Variants in PLEKHA6 observed in about 807,000 individuals in gnomAD.
PLEKHA6 encodes pleckstrin homology domain-containing family A member 6.
A neutral mutation model predicts 116.7 loss-of-function variants in PLEKHA6; 60 were observed. The observed-to-expected ratio is 0.51, with a 90% CI of 0.42 to 0.64. The LOEUF (loss-of-function observed/expected upper bound fraction) is 0.64, where lower values mean the gene tolerates loss of function less well. Ranked by LOEUF, PLEKHA6 falls within the 30% of genes least tolerant of loss-of-function variation. The probability of loss-of-function intolerance (pLI) is 0.00; values close to 1 mark genes in which losing one functional copy is unlikely to be tolerated. For synonymous variants in PLEKHA6, 489 were observed against 556.1 expected, an observed-to-expected ratio of 0.88 and a Z score of 1.70; for missense variants, 1,338 against 1,422.7, an observed-to-expected ratio of 0.94 and a Z score of 0.96.
intron 1 of PLEKHA6, among the ~76,000 whole-genome samples, chr1:204,372,546 C>A (rs186222564): frequency 6.6e-6 from 1 of 152,248 alleles, no homozygotes; most frequent in Non-Finnish European, 1.5e-5. Context: ...TACTCAATGT[C>A]TTTAAGGTAT....
chr1:204,227,129 C>T (rs1294997099), intron 21 of PLEKHA6, among the ~76,000 whole-genome samples: 1 of 152,220 alleles, frequency 6.6e-6, no homozygotes, highest in African/African-American at 2.4e-5. Flanking sequence ...TGTTCTGAGC[C>T]ACGGTTCTAA....
At chr1:204,233,052 C>G (rs1404203537) in intron 17 of PLEKHA6, among the ~76,000 whole-genome samples, 2 of 152,116 alleles carry the variant, frequency 1.3e-5, no homozygotes, top group Non-Finnish European at 1.5e-5. Flanking sequence ...GTCCTCCTGC[C>G]TCAGCCTCCC....
At chr1:204,295,538 C>T (rs1670191230) in intron 1 of PLEKHA6, among the ~76,000 whole-genome samples, 1 of 151,674 alleles carries the variant, frequency 6.6e-6, no homozygotes, top group Admixed American at 6.6e-5. Context: ...GCTTATGCTG[C>T]TATCCAGCTG....
At chr1:204,294,348 G>A (rs1308552965) in intron 1 of PLEKHA6, among the ~76,000 whole-genome samples, 1 of 152,196 alleles carries the variant, frequency 6.6e-6, no homozygotes, top group Non-Finnish European at 1.5e-5. Flanking sequence ...GAAAGAAAAA[G>A]GAAATTAACA....
chr1:204,341,322 A>T (rs1385023664), intron 1 of PLEKHA6, among the ~76,000 whole-genome samples: 1 of 152,194 alleles, frequency 6.6e-6, no homozygotes, highest in African/African-American at 2.4e-5. Context: ...CCAGAGACCA[A>T]CTGAACCAGG....
chr1:204,258,990 G>A (rs16853156), intron 8 of PLEKHA6, among the ~76,000 whole-genome samples: 2,623 of 152,268 alleles, frequency 0.017, 84 homozygotes, highest in African/African-American at 0.06. Context: ...CCAGCACGCC[G>A]TGGAGAGGCA....
intron 1 of PLEKHA6, among the ~76,000 whole-genome samples, chr1:204,336,162 A>G (rs996935784): frequency 9.2e-5 from 14 of 151,904 alleles, no homozygotes; most frequent in African/African-American, 2.9e-4. Flanking sequence ...TCACCAACCA[A>G]TCTTCCCTGT....
intron 17 of PLEKHA6, among the ~76,000 whole-genome samples, 196 bp downstream of exon 17, chr1:204,241,179 G>A (rs1251084510): frequency 1.3e-5 from 2 of 152,134 alleles, no homozygotes; most frequent in Non-Finnish European, 2.9e-5. Context: ...ATGCAGCATA[G>A]CTTCCTCATC....
chr1:204,363,787 G>A (rs1045897299), upstream of PLEKHA6, among the ~76,000 whole-genome samples: 2 of 152,120 alleles, frequency 1.3e-5, no homozygotes, highest in African/African-American at 4.8e-5. Flanking sequence ...CTGGGGAGAC[G>A]CTGTGAGCAA....
At chr1:204,247,197 T>G (rs562643963) in intron 13 of PLEKHA6, among the ~76,000 whole-genome samples, 168 bp downstream of exon 13, 64 of 152,204 alleles carry the variant, frequency 4.2e-4, no homozygotes, top group Non-Finnish European at 6.6e-4. Context: ...TCTCCCAAGC[T>G]TCAGCTTTAA....
chr1:204,332,248 G>A (rs1294541632), intron 1 of PLEKHA6, among the ~76,000 whole-genome samples: 1 of 152,160 alleles, frequency 6.6e-6, no homozygotes, highest in Non-Finnish European at 1.5e-5. Context: ...GATGGCCAAG[G>A]CACAGCTGCC....
chr1:204,315,766 G>A (rs1441370702), intron 1 of PLEKHA6, among the ~76,000 whole-genome samples: 1 of 152,138 alleles, frequency 6.6e-6, no homozygotes, highest in Non-Finnish European at 1.5e-5. Flanking sequence ...ATCCTCCCGT[G>A]ACAGGCAGCC....
chr1:204,283,478 CG>C (rs770421895), intron 1 of PLEKHA6, among the ~76,000 whole-genome samples: 10 of 152,184 alleles, frequency 6.6e-5, no homozygotes, highest in Non-Finnish European at 1.0e-4. Flanking sequence ...AAAAATAAAA[CG>C]CATGCAATCT....
At chr1:204,311,323 C>G (rs1254910226) in intron 1 of PLEKHA6, among the ~76,000 whole-genome samples, 1 of 152,062 alleles carries the variant, frequency 6.6e-6, no homozygotes, top group Non-Finnish European at 1.5e-5. Flanking sequence ...GAAACCTCAT[C>G]TCTCCTAAAA....
intron 1 of PLEKHA6, among the ~76,000 whole-genome samples, chr1:204,347,854 G>A (rs546987729): frequency 6.6e-6 from 1 of 152,162 alleles, no homozygotes; most frequent in East Asian, 1.9e-4. Context: ...GAGATTAGGG[G>A]TTCCTATAAG....
At chr1:204,265,082 T>TGTGG (rs1480886931) in intron 5 of PLEKHA6, 40 bp from the exon 6 acceptor site, 7 of 1,331,312 alleles carry the variant, frequency 5.3e-6, no homozygotes, top group Non-Finnish European at 7.6e-6. Context: ...TGTGTGTGTG[T>TGTGG]GTGCAAGCGT....
rs571237018 is a variant in PLEKHA6, at chr1:204,236,101, C to G, written c.2409+5274G>C. On this transcript the variant is annotated intron_variant, in intron 17 of 22. Transcript: ENST00000272203. ...TATAAACAGAAATCTGGAGAACAGG[C>G]ATGGGAATGGATATTAAGAGTGTGG... Among the ~76,000 whole-genome samples the G allele has an allele frequency of 4.6e-5, 7 of 152,178 alleles. 1 individual carries two copies. The South Asian group carries it at 1.5e-3, about 32-fold the overall frequency.
chr1:204,241,938 A>C lies in PLEKHA6; in HGVS notation c.2173-124T>G, dbSNP rs570795165. On this transcript the variant is annotated intron_variant, in intron 15 of 22. Transcript: ENST00000272203. ...CCCTTGCAGATACAAGGAACAAGGA[A>C]ATTCTATGTGTGCCGCCTGGGAGGC... 2.3e-5 allele frequency: 25 copies of C among 1,080,894 alleles called. No homozygotes were observed. The South Asian group carries it at 3.2e-4, about 14-fold the overall frequency. 67.0% of individuals were successfully genotyped at this position (1,080,894 alleles called of 1,614,324 possible). A position where few individuals can be genotyped will look rare whatever the true frequency, so the allele number is the denominator to read the frequency against.
At chr1:204,280,538 C>T in intron 1 of PLEKHA6, 1 of 843,532 alleles carries the variant, frequency 1.2e-6, no homozygotes, top group Non-Finnish European at 1.4e-6. Context: ...CCAGCTTCCC[C>T]ATCCTGAGGA....
Sources: gnomAD v4.1 joint callset for allele counts (sites outside exome capture counted in the v4.1 genomes callset) on GRCh38, gnomAD v4.1.1 for gene constraint, MANE v1.5 for transcripts, NCBI Gene and HGNC (gene_info 2026-07-23, HGNC 2026-07-21) for gene names.